CBLC: variants seen among roughly 807,000 people sequenced by gnomAD.
CBLC encodes Cbl proto-oncogene C.
A neutral mutation model predicts 58.6 loss-of-function variants in CBLC; 46 were observed. That is an observed-to-expected ratio of 0.79 (90% CI 0.62 to 1.00). The LOEUF (loss-of-function observed/expected upper bound fraction) is 1.00. Among genes scored for constraint, CBLC ranks in the 50% least tolerant of loss-of-function variants. The probability of loss-of-function intolerance (pLI) is 0.00; values close to 1 mark genes in which losing one functional copy is unlikely to be tolerated. For missense variants in CBLC, 655 were observed against 625.8 expected (o/e 1.05, Z -0.50); for synonymous variants, 271 against 264.2 (o/e 1.03, Z -0.25).
At chr19:44,790,133 C>T (rs1171353816) in intron 6 of CBLC, 42 bp downstream of exon 6, 3 of 1,472,906 alleles carry the variant, frequency 2.0e-6, no homozygotes, top group East Asian at 2.3e-5. Flanking sequence ...TTCCCTGACC[C>T]TGCCACCCCC....
chr19:44,799,943 G>A (rs922859492), intron 9 of CBLC, among the ~76,000 whole-genome samples: 13 of 152,290 alleles, frequency 8.5e-5, no homozygotes, highest in African/African-American at 1.2e-4. Context: ...CTGTCTGTGG[G>A]GCACACAAGT....
chr19:44,785,376 G>A (rs1465555804), intron 5 of CBLC, among the ~76,000 whole-genome samples: 3 of 151,850 alleles, frequency 2.0e-5, no homozygotes, highest in Non-Finnish European at 4.4e-5. Context: ...AAAGTGCTGG[G>A]ATTACAGGTG....
chr19:44,800,267 G>GC, intron 9 of CBLC, 114 bp from the exon 10 acceptor site: 1 of 715,852 alleles, frequency 1.4e-6, no homozygotes, highest in South Asian at 1.6e-5. Context: ...GCCACCTCCA[G>GC]CCCCCAGGTG....
chr19:44,794,836 T>C (rs1429547828), intron 9 of CBLC, among the ~76,000 whole-genome samples: 1 of 152,026 alleles, frequency 6.6e-6, no homozygotes, highest in Non-Finnish European at 1.5e-5. Flanking sequence ...AGCTGTTCCC[T>C]TGGCCTGCAC....
intron 1 of CBLC, among the ~76,000 whole-genome samples, chr19:44,778,975 C>G (rs1239641660): frequency 6.6e-6 from 1 of 152,146 alleles, no homozygotes; most frequent in Non-Finnish European, 1.5e-5. Flanking sequence ...TTTTCTCCTT[C>G]CTTGGGCACC....
At chr19:44,784,216 A>G (rs537543701) in intron 4 of CBLC, 48 bp from the exon 5 acceptor site, 1 of 1,506,426 alleles carries the variant, frequency 6.6e-7, no homozygotes, top group African/African-American at 1.4e-5. Flanking sequence ...CACAAAAGGG[A>G]TGGCAGTGAC....
chr19:44,795,253 G>A (rs992405975), intron 9 of CBLC, among the ~76,000 whole-genome samples: 19 of 148,556 alleles, frequency 1.3e-4, no homozygotes, highest in African/African-American at 3.9e-4. Flanking sequence ...CACCATGCCC[G>A]GCCTGCAATC....
At position 44,778,114 on chromosome 19, in the gene CBLC, T is replaced by G. The variant is rs1967617607; in HGVS notation, c.183T>G (p.Ser61=). 1.9e-6 allele frequency: 3 copies of G among 1,600,782 alleles called. No homozygotes were observed. Among genetic ancestry groups the G allele is most frequent in the Non-Finnish European group, 2.5e-6 (3 of 1,176,750 alleles). The change falls in exon 1 of 11, where the codon TCT becomes TCG. Residue 61 remains serine (S), a synonymous_variant. Transcript: ENST00000647358. The part of the protein sequence containing the change: ...TAQLLREVAH[S]RRAAGGGGPG... ...AGCTGCTTCGAGAGGTGGCCCATTC[T>G]CGGCGGGCGGCCGGCGGAGGCGGCC... is the stretch of plus-strand genomic sequence containing the variant.
At chr19:44,784,580 G>C (rs1424741219) in intron 5 of CBLC, among the ~76,000 whole-genome samples, 179 bp downstream of exon 5, 1 of 152,146 alleles carries the variant, frequency 6.6e-6, no homozygotes, top group Admixed American at 6.5e-5. Flanking sequence ...TGAGGAAGGG[G>C]CGCCTCTGAG....
intron 6 of CBLC, among the ~76,000 whole-genome samples, chr19:44,790,579 T>C (rs1205741528): frequency 6.6e-6 from 1 of 151,672 alleles, no homozygotes; most frequent in African/African-American, 2.4e-5. Context: ...GGAGTACAGG[T>C]GTGAGCCACT....
At position 44,777,922 on chromosome 19, in the gene CBLC, C is replaced by T; in HGVS notation, c.-10C>T. 6.4e-7 allele frequency: 1 copy of T among 1,557,586 alleles called. No individual in the cohort carries two copies. Among genetic ancestry groups the T allele is most frequent in the South Asian group, 1.2e-5 (1 of 85,382 alleles). ...CCGCACCGGTCCTTCCCGGCACACG[C>T]GAGGCTCCCATGGCTCTGGCGGTGG... On this transcript the variant is annotated 5_prime_UTR_variant, in exon 1 of 11. Coordinates refer to ENST00000647358, the MANE Select transcript of CBLC (RefSeq NM_012116.4).
At chr19:44,796,098 C>G (rs1968172415) in intron 9 of CBLC, among the ~76,000 whole-genome samples, 1 of 151,944 alleles carries the variant, frequency 6.6e-6, no homozygotes, top group Non-Finnish European at 1.5e-5. Context: ...ACCTGTAATC[C>G]CAGCTACTTG....
In CBLC at chr19:44,800,377, G is replaced by T. The variant is rs1010137624; in HGVS notation, c.1363-4G>T. 1 of 1,607,496 alleles carries T rather than the reference G, an allele frequency of 6.2e-7. No individual in the cohort carries two copies. On this transcript the variant is annotated splice_polypyrimidine_tract_variant and splice_region_variant and intron_variant, in intron 9 of 10. Coordinates refer to ENST00000647358, the MANE Select transcript of CBLC (RefSeq NM_012116.4). ...ACCGCCCTCTCAAAATATCTCCATT[G>T]CAGAGACTCCTAAAGGGGAACTCCC...
rs1967611091 is a variant in CBLC, at chr19:44,777,989, C to T, written c.58C>T (p.Arg20Trp). The change falls in exon 1 of 11, where the codon CGG (arginine) becomes TGG (tryptophan). Residue 20 changes from arginine (R) to tryptophan (W), a missense_variant. Around this residue, in one of 3 missense-constraint regions of CBLC, gnomAD observed 280 missense variants for 237.2 expected, o/e 1.18. Coordinates refer to ENST00000647358, the MANE Select transcript of CBLC (RefSeq NM_012116.4). ...RQWEEARALG[R>W]AVRMLQRLEE... Reference sequence around the variant, plus strand: ...GTGGGAAGAGGCCCGCGCCCTGGGCCGGGCAGTCAGGATGCTGCAGCGCCT... The same window carrying T: ...GTGGGAAGAGGCCCGCGCCCTGGGCTGGGCAGTCAGGATGCTGCAGCGCCT... The T allele has an allele frequency of 6.2e-7, 1 of 1,607,534 alleles. No homozygotes were observed. Among genetic ancestry groups the T allele is most frequent in the Admixed American group, 1.7e-5 (1 of 59,830 alleles).
At chr19:44,790,540 G>C (rs529789107) in intron 6 of CBLC, among the ~76,000 whole-genome samples, 3 of 152,096 alleles carry the variant, frequency 2.0e-5, no homozygotes, top group African/African-American at 7.2e-5. Flanking sequence ...GCTCAAGCAG[G>C]CCTCCCACCT....
At position 44,792,516 on chromosome 19, in the gene CBLC, T is replaced by G. The variant is rs1599870829; in HGVS notation, c.1137+2T>G. The stretch of plus-strand genomic sequence containing the variant: ...AGCTGCTGCCTGGCTGCCTGGCAGG[T>G]GGGTCTGACCCCTGTGGCGCCTTCC... On this transcript the variant is annotated splice_donor_variant, in intron 7 of 10. Transcript: ENST00000647358. LOFTEE classifies it high-confidence loss of function. The G allele has an allele frequency of 1.3e-6, 2 of 1,594,918 alleles. No individual in the cohort carries two copies. Among genetic ancestry groups the G allele is most frequent in the Non-Finnish European group, 8.5e-7 (1 of 1,172,836 alleles).
intron 9 of CBLC, among the ~76,000 whole-genome samples, chr19:44,795,785 C>G (rs756344807): frequency 2.6e-5 from 4 of 152,162 alleles, no homozygotes; most frequent in South Asian, 2.1e-4. Flanking sequence ...GCAGGTCAGG[C>G]CTTTGTTGTC....
At position 44,783,565 on chromosome 19, in the gene CBLC, C is replaced by CA. The variant is rs1206729636; in HGVS notation, c.780-698dup. On this transcript the variant is annotated intron_variant, in intron 4 of 10. Transcript: ENST00000647358. ...GCATGGTGATGCGTGCCTATAGTCC[C>CA]AGCTACTTGGGAGGTTGAGGCACAA... 7.3e-5 allele frequency among the ~76,000 whole-genome samples: 11 copies of CA among 151,722 alleles called. No homozygotes were observed. In the East Asian group the frequency reaches 2.1e-3, roughly 29 times the overall value.
intron 10 of CBLC, 40 bp from the exon 11 acceptor site, chr19:44,800,511 G>C: frequency 9.1e-7 from 1 of 1,097,766 alleles, no homozygotes; most frequent in South Asian, 1.3e-5. Flanking sequence ...CCTCCACCTG[G>C]AGGTGACCTC....
Sources: allele counts gnomAD v4.1 joint callset (sites outside exome capture counted in the v4.1 genomes callset), GRCh38; gene constraint gnomAD v4.1.1; regional missense constraint gnomAD v4.1.1; transcripts MANE v1.5; gene names NCBI Gene and HGNC (gene_info 2026-07-23, HGNC 2026-07-21).